The following LPP variants were observed in gnomAD, a reference collection of about 807,000 sequenced individuals.
The protein encoded by LPP is LIM domain containing preferred translocation partner in lipoma, also known as lipoma-preferred partner.
A neutral mutation model predicts 60.4 loss-of-function variants in LPP; 38 were observed. That is an observed-to-expected ratio of 0.63 (90% CI 0.49 to 0.83). LPP has a LOEUF of 0.83. Among genes scored for constraint, LPP ranks in the 40% least tolerant of loss-of-function variants. The pLI is 0.00. For synonymous variants in LPP, 328 were observed against 290.8 expected, an observed-to-expected ratio of 1.13 and a Z score of -1.30; for missense variants, 902 against 783.6, an observed-to-expected ratio of 1.15 and a Z score of -1.80.
intron 2 of LPP, among the ~76,000 whole-genome samples, chr3:188,314,618 C>T (rs763565897): frequency 7.4e-5 from 11 of 148,086 alleles, no homozygotes; most frequent in Non-Finnish European, 1.5e-4. Flanking sequence ...TGTGTGTGAT[C>T]GAGACCATCC....
chr3:188,197,918 G>A (rs1729993452), intron 1 of LPP, among the ~76,000 whole-genome samples: 1 of 152,198 alleles, frequency 6.6e-6, no homozygotes, highest in South Asian at 2.1e-4. Flanking sequence ...AAGAGCTTTG[G>A]ATTTGGGTGG....
chr3:188,166,374 G>A (rs922553807), intron 1 of LPP, among the ~76,000 whole-genome samples: 3 of 152,224 alleles, frequency 2.0e-5, no homozygotes, highest in African/African-American at 4.8e-5. Context: ...CAACCATTTC[G>A]TTGCCAATAA....
rs558068839 is a variant in LPP at position 188,682,052 on chromosome 3, G to C, written c.1114-26215G>C. On this transcript the variant is annotated intron_variant, in intron 7 of 11. Coordinates refer to ENST00000617246, the MANE Select transcript of LPP (RefSeq NM_001375462.1). Reference sequence around the variant, plus strand: ...CTTATTTGATCTTCACCATAATCCCGTGAAGTGAATACCGTATTCATACTG... The same window carrying C: ...CTTATTTGATCTTCACCATAATCCCCTGAAGTGAATACCGTATTCATACTG... Among the ~76,000 whole-genome samples the C allele has an allele frequency of 4.6e-5, 7 of 152,222 alleles. No individual in the cohort carries two copies. In the East Asian group the frequency reaches 7.7e-4, roughly 17 times the overall value.
intron 2 of LPP, among the ~76,000 whole-genome samples, chr3:188,240,503 A>C (rs530665820): frequency 2.0e-5 from 3 of 152,282 alleles, no homozygotes; most frequent in East Asian, 1.9e-4. Flanking sequence ...TACGTACTGA[A>C]TTTGACTGCT....
At chr3:188,816,876 G>A (rs1409474791) in intron 9 of LPP, among the ~76,000 whole-genome samples, 1 of 152,140 alleles carries the variant, frequency 6.6e-6, no homozygotes, top group Non-Finnish European at 1.5e-5. Flanking sequence ...AGGAATACAA[G>A]AAATATTGCA....
At chr3:188,767,898 AAC>A (rs1199234091) in intron 9 of LPP, among the ~76,000 whole-genome samples, 6 of 152,172 alleles carry the variant, frequency 3.9e-5, no homozygotes, top group Non-Finnish European at 5.9e-5. Flanking sequence ...ATTAAAATAA[AAC>A]ATTGTTGATA....
chr3:188,804,794 TG>T (rs1301752677), intron 9 of LPP, among the ~76,000 whole-genome samples: 1 of 152,000 alleles, frequency 6.6e-6, no homozygotes, highest in Non-Finnish European at 1.5e-5. Context: ...GAGAAAACAT[TG>T]AGTCTTTTGC....
At chr3:188,216,543 T>C (rs1455908507) in intron 1 of LPP, among the ~76,000 whole-genome samples, 7 of 152,166 alleles carry the variant, frequency 4.6e-5, no homozygotes, top group Non-Finnish European at 1.0e-4. Flanking sequence ...AGTGATGGGA[T>C]TACAGGCATG....
chr3:188,714,790 T>C (rs1038074713), intron 8 of LPP, among the ~76,000 whole-genome samples: 1 of 152,190 alleles, frequency 6.6e-6, no homozygotes. Flanking sequence ...TGCCATCTAC[T>C]TGGACTTAAG....
intron 2 of LPP, among the ~76,000 whole-genome samples, chr3:188,259,296 C>T (rs1383825399): frequency 6.6e-6 from 1 of 152,158 alleles, no homozygotes; most frequent in Non-Finnish European, 1.5e-5. Context: ...CCCAAATTCC[C>T]CAGCATGACA....
At chr3:188,834,983 G>A (rs931899286) in intron 9 of LPP, among the ~76,000 whole-genome samples, 2 of 152,196 alleles carry the variant, frequency 1.3e-5, no homozygotes, top group African/African-American at 4.8e-5. Context: ...ACCTCTGAAT[G>A]TCCTGGGAAG....
At chr3:188,372,127 C>G (rs181835872) in intron 3 of LPP, among the ~76,000 whole-genome samples, 2 of 152,134 alleles carry the variant, frequency 1.3e-5, no homozygotes, top group African/African-American at 4.8e-5. Context: ...GAAAGCCTTC[C>G]ATGCCCAACC....
At chr3:188,383,877 G>T (rs947192848) in intron 3 of LPP, among the ~76,000 whole-genome samples, 2 of 152,056 alleles carry the variant, frequency 1.3e-5, no homozygotes, top group African/African-American at 4.8e-5. Flanking sequence ...GGATATTTGG[G>T]TCAAATAGCA....
intron 9 of LPP, among the ~76,000 whole-genome samples, chr3:188,832,423 C>T (rs964376933): frequency 1.3e-5 from 2 of 152,298 alleles, no homozygotes; most frequent in African/African-American, 4.8e-5. Flanking sequence ...GATTCTTCCA[C>T]AGCCAACCCT....
intron 3 of LPP, among the ~76,000 whole-genome samples, chr3:188,347,276 G>T (rs1764649816): frequency 6.6e-6 from 1 of 152,130 alleles, no homozygotes; most frequent in African/African-American, 2.4e-5. Flanking sequence ...CAGAGAATGT[G>T]TACTATGGGA....
At chr3:188,168,322 A>G (rs1720618963) in intron 1 of LPP, among the ~76,000 whole-genome samples, 1 of 152,234 alleles carries the variant, frequency 6.6e-6, no homozygotes. Flanking sequence ...TTATTTGAAC[A>G]GTAATGATTT....
In LPP at chr3:188,609,813, C is replaced by A; in HGVS notation, c.1082C>A (p.Ser361Ter). Residue 361 changes from serine to a stop codon, truncating the protein, a stop_gained, in exon 7 of 12, where the codon TCA becomes TAA. Coordinates refer to ENST00000617246, the MANE Select transcript of LPP (RefSeq NM_001375462.1). LOFTEE classifies it high-confidence loss of function. This position sits in a 1 kb window ranked among gnomAD's most constrained non-coding sequence, Gnocchi z 6.9. ...AAGACCTATATCACAGATCCTGTTT[C>A]AGCCCCCTGTGCGCCACCATTGCAG... Reference protein sequence around the residue: ...PKKTYITDPVSAPCAPPLQPK... With the variant: ...PKKTYITDPV 1 of 1,613,238 alleles carries A rather than the reference C, an allele frequency of 6.2e-7. No homozygotes were observed. Among genetic ancestry groups the A allele is most frequent in the Non-Finnish European group, 8.5e-7 (1 of 1,179,750 alleles).
rs1167955950 is a variant in LPP at position 188,609,734 on chromosome 3, C to T, written c.1003C>T (p.Pro335Ser). The part of the protein sequence containing the change: ...TWKREPGYTP[P>S]GAGNQNPPGM... ...GAAACGGGAACCAGGGTACACTCCT[C>T]CTGGAGCAGGGAACCAGAACCCTCC... is the stretch of plus-strand genomic sequence containing the variant. The change falls in exon 7 of 12, where the codon CCT becomes TCT. Residue 335 changes from proline (P) to serine (S), a missense_variant. Pro to Ser is a moderately conservative substitution (Grantham distance 74). Transcript: ENST00000617246. This position sits in a 1 kb window ranked among gnomAD's most constrained non-coding sequence, Gnocchi z 6.9. The T allele has an allele frequency of 6.2e-7, 1 of 1,614,126 alleles. No individual in the cohort carries two copies. The highest frequency in any genetic ancestry group is 1.7e-5 in the Admixed American group (1 of 60,030).
chr3:188,264,293 GAGAGAGAA>G (rs1734678069), intron 2 of LPP, among the ~76,000 whole-genome samples: 1 of 151,758 alleles, frequency 6.6e-6, no homozygotes, highest in African/African-American at 2.4e-5. Context: ...GACAGAGAGG[GAGAGAGAA>G]AGAGAGAGAG....
Sources: allele counts gnomAD v4.1 joint callset (sites outside exome capture counted in the v4.1 genomes callset), GRCh38; gene constraint gnomAD v4.1.1; non-coding constraint Gnocchi (gnomAD v3.1); transcripts MANE v1.5; gene names NCBI Gene and HGNC (gene_info 2026-07-23, HGNC 2026-07-21).